KIF6: variants seen among roughly 807,000 people sequenced by gnomAD.
The protein encoded by KIF6 is kinesin family member 6, also known as kinesin-like protein KIF6.
In KIF6, 106 loss-of-function variants were observed where a neutral mutation model predicts 112.7. The observed-to-expected ratio is 0.94, with a 90% CI of 0.80 to 1.11. The LOEUF is 1.11. KIF6 is among the 50% of genes least tolerant of loss of function. The pLI, the probability that KIF6 is intolerant of heterozygous loss-of-function variation, is 0.00. For missense variants in KIF6, 929 were observed against 964.0 expected, an observed-to-expected ratio of 0.96 and a Z score of 0.48; for synonymous variants, 339 against 339.9, an observed-to-expected ratio of 1.00 and a Z score of 0.03.
At chr6:39,403,041 TAAA>T (rs58238004) in intron 15 of KIF6, among the ~76,000 whole-genome samples, 1 of 150,768 alleles carries the variant, frequency 6.6e-6, no homozygotes, top group Middle Eastern at 3.2e-3. Context: ...CTAGAGAAAT[TAAA>T]AAAAAAATTC....
intron 13 of KIF6, among the ~76,000 whole-genome samples, chr6:39,525,978 C>CA (rs1188828009): frequency 6.6e-6 from 1 of 152,170 alleles, no homozygotes; most frequent in Non-Finnish European, 1.5e-5. Context: ...GAACAATGCT[C>CA]ATTTGTTTTG....
At chr6:39,569,988 T>G (rs1780554173) in intron 10 of KIF6, among the ~76,000 whole-genome samples, 1 of 152,230 alleles carries the variant, frequency 6.6e-6, no homozygotes, top group Non-Finnish European at 1.5e-5. Context: ...AACGAGCATT[T>G]AAGACTCTTC....
At chr6:39,586,195 A>C in intron 8 of KIF6, 66 bp downstream of exon 8, 1 of 1,566,218 alleles carries the variant, frequency 6.4e-7, no homozygotes, top group Non-Finnish European at 8.8e-7. Flanking sequence ...CAAGAGCCTC[A>C]ACTCCGTCTC....
chr6:39,663,946 A>G (rs1367655839), intron 3 of KIF6, among the ~76,000 whole-genome samples: 1 of 151,840 alleles, frequency 6.6e-6, no homozygotes, highest in Non-Finnish European at 1.5e-5. Context: ...GCAGATAAAT[A>G]AGCCAATAAA....
At chr6:39,648,188 TA>T (rs1484746740) in intron 3 of KIF6, among the ~76,000 whole-genome samples, 1 of 119,620 alleles carries the variant, frequency 8.4e-6, no homozygotes, top group Non-Finnish European at 1.7e-5. Context: ...CATGCCTGGC[TA>T]ATTTTTGTAT....
At chr6:39,541,019 C>T (rs6930913) in intron 12 of KIF6, among the ~76,000 whole-genome samples, 71,416 of 152,056 alleles carry the variant, frequency 0.47, 20,396 homozygotes, top group African/African-American at 0.81. Context: ...GTAACCCCTA[C>T]TGAGAATCTC....
intron 13 of KIF6, among the ~76,000 whole-genome samples, chr6:39,464,363 G>A (rs932037070): frequency 2.6e-5 from 4 of 152,186 alleles, no homozygotes; most frequent in African/African-American, 9.7e-5. Flanking sequence ...GGAACCATGT[G>A]CATAAGGGAG....
intron 15 of KIF6, among the ~76,000 whole-genome samples, chr6:39,406,108 C>T (rs895140006): frequency 1.3e-5 from 2 of 152,136 alleles, no homozygotes; most frequent in African/African-American, 2.4e-5. Context: ...CTGCAACCTC[C>T]GCCTGGGTTC....
At chr6:39,523,524 C>A (rs1403184628) in intron 13 of KIF6, among the ~76,000 whole-genome samples, 6 of 151,206 alleles carry the variant, frequency 4.0e-5, no homozygotes, top group Non-Finnish European at 5.9e-5. Context: ...CAATCCAACC[C>A]AACCAAATGC....
chr6:39,562,688 A>G (rs1184895511), intron 10 of KIF6, among the ~76,000 whole-genome samples: 2 of 152,232 alleles, frequency 1.3e-5, no homozygotes, highest in African/African-American at 2.4e-5. Context: ...TCATGAGGTT[A>G]CTGGGAAAAT....
intron 11 of KIF6, among the ~76,000 whole-genome samples, chr6:39,545,101 A>G (rs969454148): frequency 1.3e-5 from 2 of 152,212 alleles, no homozygotes; most frequent in Non-Finnish European, 2.9e-5. Context: ...TGTCTTATCT[A>G]TACCTGGCCC....
intron 13 of KIF6, among the ~76,000 whole-genome samples, chr6:39,522,929 C>A (rs1317022774): frequency 6.6e-6 from 1 of 152,186 alleles, no homozygotes; most frequent in Non-Finnish European, 1.5e-5. Context: ...AAGCCTTGGA[C>A]CCCCTTATCT....
rs191142696 is a variant in KIF6 at position 39,421,105 on chromosome 6, A to G, written c.1755-1102T>C. Among the ~76,000 whole-genome samples the G allele has an allele frequency of 1.2e-3, 179 of 152,312 alleles. 1 individual carries two copies. The highest frequency in any genetic ancestry group is 4.3e-3 in the African/African-American group (177 of 41,562). On this transcript the variant is annotated intron_variant, in intron 14 of 22. Transcript: ENST00000287152. The stretch of plus-strand genomic sequence containing the variant: ...AAAGAGACAATTGAAAGCCTATGAA[A>G]GCAAGCACCTAATAGATAGCTGAAT...
intron 6 of KIF6, among the ~76,000 whole-genome samples, chr6:39,597,903 C>T (rs1348660020): frequency 2.0e-5 from 3 of 152,092 alleles, no homozygotes; most frequent in East Asian, 1.9e-4. Flanking sequence ...TGGTGGCTCA[C>T]GTCTGTAATC....
Position 39,378,968 on chromosome 6 carries a change from G to C in KIF6, c.1861+6654C>G, listed in dbSNP as rs1052613164. On this transcript the variant is annotated intron_variant, in intron 16 of 22. Coordinates refer to ENST00000287152, the MANE Select transcript of KIF6 (RefSeq NM_145027.6). The surrounding 1 kb of genome is among the most constrained non-coding windows in gnomAD (Gnocchi z 5.0). ...TAATGTCAGGCCTCTAGCTTTTATA[G>C]AGGGTCGATACAAGAATCATCTGGT... is the stretch of plus-strand genomic sequence containing the variant. Among the ~76,000 whole-genome samples the C allele has an allele frequency of 6.6e-6, 1 of 152,184 alleles. No individual in the cohort carries two copies. The highest frequency in any genetic ancestry group is 2.4e-5 in the African/African-American group (1 of 41,432).
chr6:39,401,027 G>A (rs145898194), intron 15 of KIF6, among the ~76,000 whole-genome samples: 81 of 152,350 alleles, frequency 5.3e-4, no homozygotes, highest in African/African-American at 1.9e-3. Flanking sequence ...GTTTTTACCT[G>A]GATCTTAGGA....
intron 3 of KIF6, among the ~76,000 whole-genome samples, chr6:39,648,985 C>A (rs1468320030): frequency 6.8e-6 from 1 of 146,652 alleles, no homozygotes; most frequent in African/African-American, 2.6e-5. Context: ...CATAGCAAGA[C>A]CCTGTCTCTG....
At chr6:39,521,451 C>T (rs539476696) in intron 13 of KIF6, among the ~76,000 whole-genome samples, 59 of 152,198 alleles carry the variant, frequency 3.9e-4, no homozygotes, top group Non-Finnish European at 4.0e-4. Flanking sequence ...TCTATGAAGC[C>T]GCAAAACTGT....
chr6:39,510,872 C>CAAAAAAAAAAAAAAAAAAA (rs1180631310), intron 13 of KIF6, among the ~76,000 whole-genome samples: 2 of 23,870 alleles, frequency 8.4e-5, no homozygotes, highest in African/African-American at 1.6e-4. Context: ...AAATGGGAAG[C>CAAAAAAAAAAAAAAAAAAA]AAAAAAAAAA....
Sources: gnomAD v4.1 joint callset for allele counts (sites outside exome capture counted in the v4.1 genomes callset) on GRCh38, gnomAD v4.1.1 for gene constraint, Gnocchi (gnomAD v3.1) non-coding constraint, MANE v1.5 for transcripts, NCBI Gene and HGNC (gene_info 2026-07-23, HGNC 2026-07-21) for gene names.